Variants in TENM4 observed in about 807,000 individuals in gnomAD.
TENM4 encodes teneurin-4.
In TENM4, 82 loss-of-function variants were observed where a neutral mutation model predicts 243.3. That is an observed-to-expected ratio of 0.34 (90% CI 0.28 to 0.40). TENM4 has a LOEUF of 0.40. Ranked by LOEUF, TENM4 falls within the 10% of genes least tolerant of loss-of-function variation. TENM4 has a pLI of 1.00. For missense variants in TENM4, 3,138 were observed against 3,673.3 expected, an observed-to-expected ratio of 0.85 and a Z score of 3.77; for synonymous variants, 1,412 against 1,456.3, an observed-to-expected ratio of 0.97 and a Z score of 0.69.
At chr11:78,868,647 C>G (rs944688871) in intron 9 of TENM4, among the ~76,000 whole-genome samples, 1 of 152,186 alleles carries the variant, frequency 6.6e-6, no homozygotes, top group Non-Finnish European at 1.5e-5. Context: ...CCTCAGCACC[C>G]GGCCAGCAGG....
chr11:79,304,814 G>A (rs1856601424), intron 1 of TENM4, among the ~76,000 whole-genome samples: 1 of 152,210 alleles, frequency 6.6e-6, no homozygotes, highest in Admixed American at 6.5e-5. Flanking sequence ...CTCCCCAGCT[G>A]AAGACACTCT....
chr11:78,898,933 T>C (rs11237653), intron 7 of TENM4, among the ~76,000 whole-genome samples: 77,603 of 152,010 alleles, frequency 0.51, 24,007 homozygotes, highest in East Asian at 0.79. Flanking sequence ...GCATTTACTA[T>C]ATGCTAAGAC....
chr11:78,987,528 A>G (rs1212549809), intron 6 of TENM4, among the ~76,000 whole-genome samples: 1 of 152,222 alleles, frequency 6.6e-6, no homozygotes, highest in Non-Finnish European at 1.5e-5. Flanking sequence ...TACGTTTGCT[A>G]AAAATGTTTT....
chr11:79,235,064 A>G (rs952429213), intron 2 of TENM4, among the ~76,000 whole-genome samples: 5 of 152,138 alleles, frequency 3.3e-5, no homozygotes, highest in Admixed American at 3.3e-4. Context: ...CTGCAATCCC[A>G]GCACTTTGGG....
chr11:79,397,081 A>C (rs1434507663), intron 1 of TENM4, among the ~76,000 whole-genome samples: 1 of 152,172 alleles, frequency 6.6e-6, no homozygotes, highest in Non-Finnish European at 1.5e-5. Context: ...CAGAAGAGGA[A>C]GTCACAGAAT....
Position 78,712,508 on chromosome 11 carries a change from G to A in TENM4, c.4028C>T (p.Thr1343Ile), listed in dbSNP as rs988425387. The A allele has an allele frequency of 6.2e-7, 1 of 1,613,844 alleles. No homozygotes were observed. Among genetic ancestry groups the A allele is most frequent in the African/African-American group, 1.3e-5 (1 of 74,914 alleles). The part of the protein sequence containing the change: ...DTRCGDGGKA[T>I]EATLTNPRGI... ...CCTGGGATTGGTGAGTGTGGCTTCT[G>A]TGGCCTTCCCACCATCCCCGCAGCG... is the stretch of plus-strand genomic sequence containing the variant. The change falls in exon 26 of 34, where the codon ACA becomes ATA. Residue 1343 changes from threonine (T) to isoleucine (I), a missense_variant. Transcript: ENST00000278550.
chr11:79,143,651 A>C (rs914102833), intron 4 of TENM4, among the ~76,000 whole-genome samples: 6 of 152,040 alleles, frequency 3.9e-5, no homozygotes, highest in Non-Finnish European at 7.4e-5. Flanking sequence ...TGTTGTGCAC[A>C]TGTATCCTAG....
intron 9 of TENM4, among the ~76,000 whole-genome samples, chr11:78,868,657 G>A (rs1859048484): frequency 6.6e-6 from 1 of 152,184 alleles, no homozygotes; most frequent in South Asian, 2.1e-4. Flanking sequence ...CGGCCAGCAG[G>A]AGGCAATTAA....
At chr11:78,771,499 G>C (rs969347938) in intron 17 of TENM4, among the ~76,000 whole-genome samples, 2 of 152,174 alleles carry the variant, frequency 1.3e-5, no homozygotes, top group Non-Finnish European at 2.9e-5. Context: ...CCTGATCCTT[G>C]CTTCTTGTTC....
rs1857927822 is a variant in TENM4, at chr11:78,657,631, C to T, written c.*427G>A. 1 of 356,202 alleles carries T rather than the reference C, an allele frequency of 2.8e-6. No homozygotes were observed. The highest frequency in any genetic ancestry group is 5.2e-6 in the Non-Finnish European group (1 of 190,616). The allele number at this position is 356,202 out of a possible 1,614,324, so 22.1% of individuals were successfully genotyped here. A position where few individuals can be genotyped will look rare whatever the true frequency, so the allele number is the denominator to read the frequency against. On this transcript the variant is annotated 3_prime_UTR_variant, in exon 34 of 34. Coordinates refer to ENST00000278550, the MANE Select transcript of TENM4 (RefSeq NM_001098816.3). ...TGGCCCATCACTCCCTTTACTCCTG[C>T]CCGACCCCAGTCGAAGAAGAAAGGG...
intron 3 of TENM4, among the ~76,000 whole-genome samples, chr11:79,190,760 A>C (rs2135161520): frequency 6.7e-6 from 1 of 148,388 alleles, no homozygotes; most frequent in East Asian, 2.0e-4. Flanking sequence ...AGTTTAAAAA[A>C]TATTTTCGTC....
intron 15 of TENM4, among the ~76,000 whole-genome samples, chr11:78,805,058 G>C (rs1312149966): frequency 2.0e-5 from 3 of 152,178 alleles, no homozygotes; most frequent in Non-Finnish European, 4.4e-5. Flanking sequence ...TTAAGGGGTA[G>C]TTTTGAATCT....
chr11:79,354,007 G>A (rs1373257089), intron 1 of TENM4, among the ~76,000 whole-genome samples: 1 of 152,180 alleles, frequency 6.6e-6, no homozygotes, highest in Non-Finnish European at 1.5e-5. Context: ...AATCTTTGGG[G>A]CAAAACCTAG....
intron 12 of TENM4, among the ~76,000 whole-genome samples, chr11:78,848,293 G>A (rs113285185): frequency 1.3e-5 from 2 of 152,122 alleles, no homozygotes; most frequent in African/African-American, 2.4e-5. Flanking sequence ...AAAAGCCTGC[G>A]ATAGTGCCTA....
At chr11:79,013,565 A>T (rs2136764099) in intron 6 of TENM4, among the ~76,000 whole-genome samples, 1 of 152,290 alleles carries the variant, frequency 6.6e-6, no homozygotes, top group East Asian at 1.9e-4. Context: ...AAGTGACTGG[A>T]ATCTCACACT....
chr11:78,927,823 A>T (rs957090259), intron 6 of TENM4, among the ~76,000 whole-genome samples: 1 of 150,448 alleles, frequency 6.6e-6, no homozygotes, highest in Admixed American at 6.7e-5. Context: ...TCTCCCTTCC[A>T]TCCTAAAAGG....
In TENM4 at chr11:78,904,359, C is replaced by CAAAAAAAA. The variant is rs61503457; in HGVS notation, c.494-844_494-837dup. 2.5e-4 allele frequency among the ~76,000 whole-genome samples: 19 copies of CAAAAAAAA among 77,250 alleles called. 2 individuals carry two copies. Among genetic ancestry groups the CAAAAAAAA allele is most frequent in the African/African-American group, 1.1e-3 (14 of 13,220 alleles). 50.7% of individuals were successfully genotyped at this position (77,250 alleles called of 152,430 possible). A position where few individuals can be genotyped will look rare whatever the true frequency, so the allele number is the denominator to read the frequency against. On this transcript the variant is annotated intron_variant, in intron 6 of 33. Transcript: ENST00000278550. ...TGAGCTACAGAGCAAGACTCTGTCT[C>CAAAAAAAA]AAAAAAAAAAAAAAAAGTAAAACAT...
At chr11:79,326,806 C>G (rs1203497814) in intron 1 of TENM4, among the ~76,000 whole-genome samples, 1 of 152,212 alleles carries the variant, frequency 6.6e-6, no homozygotes, top group African/African-American at 2.4e-5. Flanking sequence ...CAGACACCTT[C>G]TTTTGGGAAG....
At chr11:79,139,938 T>C (rs1355280923) in intron 4 of TENM4, among the ~76,000 whole-genome samples, 1 of 150,036 alleles carries the variant, frequency 6.7e-6, no homozygotes, top group Non-Finnish European at 1.5e-5. Flanking sequence ...AATTTGAAGA[T>C]GGAACCAACA....
Sources: gnomAD v4.1 joint callset for allele counts (sites outside exome capture counted in the v4.1 genomes callset) on GRCh38, gnomAD v4.1.1 for gene constraint, MANE v1.5 for transcripts, NCBI Gene and HGNC (gene_info 2026-07-23, HGNC 2026-07-21) for gene names.